MAP1LC3C: variants seen among roughly 807,000 people sequenced by gnomAD.
MAP1LC3C encodes the protein microtubule associated protein 1 light chain 3 gamma.
MAP1LC3C carries 12 observed loss-of-function variants against 10.4 expected under a neutral mutation model. The ratio of observed to expected loss-of-function variants is 1.15; its 90% confidence interval spans 0.74 to 1.86. The LOEUF (loss-of-function observed/expected upper bound fraction) is 1.86. MAP1LC3C is among the 40% of genes most tolerant of loss of function. The pLI is 0.00. For synonymous variants in MAP1LC3C, 70 were observed against 69.0 expected (o/e 1.01, Z -0.07); for missense variants, 177 against 185.7 (o/e 0.95, Z 0.27).
chr1:242,000,558 T>C (rs1238735717), upstream of MAP1LC3C, among the ~76,000 whole-genome samples: 2 of 152,164 alleles, frequency 1.3e-5, no homozygotes, highest in Non-Finnish European at 2.9e-5. Context: ...TTCTGATCTA[T>C]GGGACATAAG....
chr1:241,996,864 T>C (rs904810520), intron 3 of MAP1LC3C, among the ~76,000 whole-genome samples: 10 of 121,948 alleles, frequency 8.2e-5, no homozygotes, highest in African/African-American at 3.2e-4. Context: ...TGAGCCGAAA[T>C]TGCGCCACTG....
At position 241,996,380 on chromosome 1, in the gene MAP1LC3C, C is replaced by T. The variant is rs768580624; in HGVS notation, c.227G>A (p.Arg76His). 5 of 1,613,646 alleles carry T rather than the reference C, an allele frequency of 3.1e-6. No individual in the cohort carries two copies. The highest frequency in any genetic ancestry group is 1.7e-4 in the Middle Eastern group (1 of 6,058). ...GGCTTCCGTGGCTCTCAGGACCATG[C>T]GGCTCCTGGGATGGGCAGGAGGGTG... is the stretch of plus-strand genomic sequence containing the variant. ...MTQFLSIIRS[R>H]MVLRATEAFY... is the part of the protein sequence containing the mutation. The change falls in exon 4 of 4, where the codon CGC (arginine) becomes CAC (histidine). Residue 76 changes from arginine to histidine, a missense_variant. Transcript: ENST00000357246.
At chr1:242,000,926 C>T (rs1247823902), upstream of MAP1LC3C, among the ~76,000 whole-genome samples, 2 of 152,136 alleles carry the variant, frequency 1.3e-5, no homozygotes, top group Non-Finnish European at 2.9e-5. Context: ...TGGCGACCAG[C>T]CCCCATCCAA....
upstream of MAP1LC3C, among the ~76,000 whole-genome samples, chr1:241,999,670 G>A (rs951102231): frequency 5.9e-5 from 9 of 152,112 alleles, no homozygotes; most frequent in African/African-American, 1.4e-4. Context: ...TTAGCCGGAC[G>A]TGGTGGCTGG....
In MAP1LC3C at chr1:241,999,063, G is replaced by A. The variant is rs1480436568; in HGVS notation, c.-55C>T. The A allele has an allele frequency of 2.6e-6, 4 of 1,554,138 alleles. No homozygotes were observed. Among genetic ancestry groups the A allele is most frequent in the African/African-American group, 1.4e-5 (1 of 72,162 alleles). On this transcript the variant is annotated 5_prime_UTR_variant, in exon 1 of 4. Transcript: ENST00000357246. ...AAGAAAAAAAAACTGTCCCGCAACC[G>A]GGAACCTAACTCATTCCTCCAGCTG...
upstream of MAP1LC3C, among the ~76,000 whole-genome samples, chr1:242,000,564 A>C: frequency 6.6e-6 from 1 of 152,126 alleles, no homozygotes; most frequent in East Asian, 1.9e-4. Flanking sequence ...TCTATGGGAC[A>C]TAAGTCAGGC....
rs1444204768 is a variant in MAP1LC3C, at chr1:241,998,815, T to G, written c.75A>C (p.Glu25Asp). 1.9e-6 allele frequency: 3 copies of G among 1,613,946 alleles called. No individual in the cohort carries two copies. Among genetic ancestry groups the G allele is most frequent in the Non-Finnish European group, 2.5e-6 (3 of 1,179,974 alleles). ...QRKSLAIRQE[E>D]VAGIRAKFPN... ...GGAACTTTGCCCGGATTCCAGCAAC[T>G]TCCTCTTGTCTGATTGCTGTGAATA... Residue 25 changes from glutamate to aspartate, a missense_variant, in exon 2 of 4, where the codon GAA becomes GAC. Glu to Asp is a conservative substitution (Grantham distance 45). Coordinates refer to ENST00000357246, the MANE Select transcript of MAP1LC3C (RefSeq NM_001004343.3).
intron 3 of MAP1LC3C, 36 bp from the exon 4 acceptor site, chr1:241,996,421 G>A: frequency 6.4e-7 from 1 of 1,554,024 alleles, no homozygotes; most frequent in Non-Finnish European, 8.9e-7. Flanking sequence ...GGTATGGCCT[G>A]CGAGACAGCC....
At chr1:241,999,230 G>A, upstream of MAP1LC3C, 1 of 414,248 alleles carries the variant, frequency 2.4e-6, no homozygotes, top group Non-Finnish European at 3.2e-6. Flanking sequence ...ATCGCCACCT[G>A]CTTGCTGGTC....
chr1:242,000,202 C>T (rs1421180250), upstream of MAP1LC3C, among the ~76,000 whole-genome samples: 1 of 152,180 alleles, frequency 6.6e-6, no homozygotes, highest in Non-Finnish European at 1.5e-5. Flanking sequence ...AGACTGTCCC[C>T]CACTTTCAAT....
chr1:242,001,086 G>A (rs1186514088), upstream of MAP1LC3C, among the ~76,000 whole-genome samples: 1 of 152,006 alleles, frequency 6.6e-6, no homozygotes, highest in Non-Finnish European at 1.5e-5. Flanking sequence ...GACCAGCTTG[G>A]CCAACATCAT....
Position 241,999,029 on chromosome 1 carries a change from G to A in MAP1LC3C, c.-21C>T, listed in dbSNP as rs1306525178. On this transcript the variant is annotated 5_prime_UTR_variant, in exon 1 of 4. Transcript: ENST00000357246. ...GGCATTGCACTCAGTAGCTGTGTCT[G>A]TTTTAAAAAAGAAAAAAAAACTGTC... The A allele has an allele frequency of 4.4e-6, 7 of 1,587,280 alleles. No individual in the cohort carries two copies. Among genetic ancestry groups the A allele is most frequent in the African/African-American group, 1.4e-5 (1 of 72,728 alleles).
chr1:241,996,264 C>G lies in MAP1LC3C; in HGVS notation c.343G>C (p.Val115Leu). 1 of 1,614,188 alleles carries G rather than the reference C, an allele frequency of 6.2e-7. No homozygotes were observed. The highest frequency in any genetic ancestry group is 8.5e-7 in the Non-Finnish European group (1 of 1,180,052). The stretch of plus-strand genomic sequence containing the variant: ...TCCTGGGAGGCGTAGGTCATGTACA[C>G]GAAGCCATCCTCATCCTTGTAGTCT... ...YRDYKDEDGF[V>L]YMTYASQETF... Residue 115 changes from valine to leucine, a missense_variant, in exon 4 of 4, where the codon GTG becomes CTG. Transcript: ENST00000357246.
intron 3 of MAP1LC3C, among the ~76,000 whole-genome samples, chr1:241,996,819 G>A (rs1665093269): frequency 7.0e-6 from 1 of 142,684 alleles, no homozygotes; most frequent in Admixed American, 7.4e-5. Context: ...TACTCGGGAG[G>A]CTGAGGCAGG....
Position 241,996,909 on chromosome 1 carries a change from C to CAAAAA in MAP1LC3C, c.222-529_222-525dup, listed in dbSNP as rs71174887. 8.4e-3 allele frequency among the ~76,000 whole-genome samples: 358 copies of CAAAAA among 42,764 alleles called. 32 individuals carry two copies. Among genetic ancestry groups the CAAAAA allele is most frequent in the African/African-American group, 0.031 (348 of 11,252 alleles). The allele number at this position is 42,764 out of a possible 152,430, so 28.1% of individuals were successfully genotyped here. On this transcript the variant is annotated intron_variant, in intron 3 of 3. Transcript: ENST00000357246. ...CTGGTGACAGAGCAAGACTGCGTCTCAAAAAAAAAAAAAAAAGAAAAGAAA... is the reference window on the plus strand; with the variant it reads ...CTGGTGACAGAGCAAGACTGCGTCTCAAAAAAAAAAAAAAAAAAAAAGAAAAGAAA...
upstream of MAP1LC3C, among the ~76,000 whole-genome samples, chr1:242,000,063 G>A (rs889167912): frequency 6.6e-5 from 10 of 151,838 alleles, no homozygotes; most frequent in African/African-American, 2.2e-4. Context: ...GTGTGTGTGG[G>A]TGGGTGGGGG....
upstream of MAP1LC3C, chr1:241,999,164 C>T: frequency 3.6e-6 from 5 of 1,378,576 alleles, no homozygotes; most frequent in Non-Finnish European, 4.7e-6. Flanking sequence ...CCTCTCCCTC[C>T]CCTCTCCCCA....
chr1:241,999,327 C>A (rs113774072), upstream of MAP1LC3C, among the ~76,000 whole-genome samples: 20 of 152,268 alleles, frequency 1.3e-4, no homozygotes, highest in African/African-American at 4.3e-4. Context: ...GGCTGGGCAG[C>A]GGACTGTGGA....
upstream of MAP1LC3C, among the ~76,000 whole-genome samples, chr1:242,000,905 C>T (rs1665183671): frequency 6.6e-6 from 1 of 152,154 alleles, no homozygotes; most frequent in Non-Finnish European, 1.5e-5. Context: ...CTAATCTCAC[C>T]TTTGTCTTTC....
Sources: gnomAD v4.1 joint callset for allele counts (sites outside exome capture counted in the v4.1 genomes callset) on GRCh38, gnomAD v4.1.1 for gene constraint, MANE v1.5 for transcripts, NCBI Gene and HGNC (gene_info 2026-07-23, HGNC 2026-07-21) for gene names.